Variants in EXOC2 observed in about 807,000 individuals in gnomAD.
The protein encoded by EXOC2 is SEC5-like 1.
Under a neutral mutation model 131.8 loss-of-function variants are expected in EXOC2, and 70 were observed. The ratio of observed to expected loss-of-function variants is 0.53; its 90% confidence interval spans 0.44 to 0.65. EXOC2 has a LOEUF of 0.65. EXOC2 is among the 30% of genes least tolerant of loss of function. EXOC2 has a pLI of 0.00. For synonymous variants in EXOC2, 411 were observed against 398.4 expected (o/e 1.03, Z -0.38); for missense variants, 923 against 1,108.6 (o/e 0.83, Z 2.38).
At position 642,461 on chromosome 6, in the gene EXOC2, G is replaced by C. The variant is rs192915131; in HGVS notation, c.-43-4600C>G. Among the ~76,000 whole-genome samples the C allele has an allele frequency of 2.0e-5, 3 of 152,278 alleles. No individual in the cohort carries two copies. In the East Asian group the frequency reaches 5.8e-4, roughly 29 times the overall value. ...CACACACACCTGGTATCAGGAGTGT[G>C]TACTGAGTTAGTGGCTGTGTGAACA... On this transcript the variant is annotated intron_variant, in intron 1 of 27. Coordinates refer to ENST00000230449, the MANE Select transcript of EXOC2 (RefSeq NM_018303.6).
At chr6:604,761 G>A (rs915684438) in intron 7 of EXOC2, among the ~76,000 whole-genome samples, 4 of 148,756 alleles carry the variant, frequency 2.7e-5, no homozygotes, top group Admixed American at 1.3e-4. Flanking sequence ...ACCCACCGCT[G>A]GCCTCTGCTT....
At position 573,445 on chromosome 6, in the gene EXOC2, C is replaced by G. The variant is rs900635296; in HGVS notation, c.1319-801G>C. 1.9e-4 allele frequency among the ~76,000 whole-genome samples: 29 copies of G among 152,246 alleles called. 1 individual carries two copies. Among genetic ancestry groups the G allele is most frequent in the Admixed American group, 1.5e-3 (23 of 15,298 alleles). On this transcript the variant is annotated intron_variant, in intron 12 of 27. Coordinates refer to ENST00000230449, the MANE Select transcript of EXOC2 (RefSeq NM_018303.6). ...CTCCACTCGGTGGCCATGGCAGGGGCACTGCAGAGTCCACCCCGTCCAGTC... is the reference window on the plus strand; with the variant it reads ...CTCCACTCGGTGGCCATGGCAGGGGGACTGCAGAGTCCACCCCGTCCAGTC...
intron 23 of EXOC2, among the ~76,000 whole-genome samples, 196 bp downstream of exon 23, chr6:532,273 A>G (rs1044116005): frequency 6.6e-6 from 1 of 152,264 alleles, no homozygotes; most frequent in Admixed American, 6.5e-5. Flanking sequence ...AACAGCTTTA[A>G]GCCACTAATA....
chr6:607,753 T>C, intron 7 of EXOC2, among the ~76,000 whole-genome samples: 1 of 152,348 alleles, frequency 6.6e-6, no homozygotes, highest in East Asian at 1.9e-4. Flanking sequence ...GCAAATTTGA[T>C]GTAAATAAAC....
At chr6:658,765 G>A (rs1161429487) in intron 1 of EXOC2, among the ~76,000 whole-genome samples, 3 of 150,150 alleles carry the variant, frequency 2.0e-5, no homozygotes, top group African/African-American at 7.3e-5. Flanking sequence ...AGGTTCAAGC[G>A]ATTCTCTTGC....
chr6:624,351 T>C (rs574633314), intron 4 of EXOC2, among the ~76,000 whole-genome samples: 1 of 152,344 alleles, frequency 6.6e-6, no homozygotes, highest in South Asian at 2.1e-4. Flanking sequence ...AGTTATTCCA[T>C]TATGAATGGA....
In EXOC2 at chr6:637,782, T is replaced by C; in HGVS notation, c.37A>G (p.Ile13Val). ...RSRQPPLVTGISPNEGIPWTK... is the reference protein window; with the variant it reads ...RSRQPPLVTGVSPNEGIPWTK... ...CATGGTATCCCTTCATTTGGAGAGA[T>C]GCCGGTCACAAGGGGGGGTTGTCGT... The change falls in exon 2 of 28, where the codon ATC (isoleucine) becomes GTC (valine). Residue 13 changes from isoleucine (I) to valine (V), a missense_variant. Coordinates refer to ENST00000230449, the MANE Select transcript of EXOC2 (RefSeq NM_018303.6). 9 of 1,613,904 alleles carry C rather than the reference T, an allele frequency of 5.6e-6. No individual in the cohort carries two copies. Among genetic ancestry groups the C allele is most frequent in the Non-Finnish European group, 7.6e-6 (9 of 1,179,946 alleles).
chr6:514,374 C>T (rs188714553), intron 23 of EXOC2, among the ~76,000 whole-genome samples: 54 of 152,288 alleles, frequency 3.5e-4, no homozygotes, highest in Middle Eastern at 3.4e-3. Context: ...CAATATTTAC[C>T]AAGTACCTTT....
intron 2 of EXOC2, among the ~76,000 whole-genome samples, chr6:634,911 T>TA (rs1167251721): frequency 5.3e-5 from 8 of 152,210 alleles, no homozygotes; most frequent in African/African-American, 1.9e-4. Context: ...GAAATACTGC[T>TA]AACATGTCAA....
intron 23 of EXOC2, among the ~76,000 whole-genome samples, chr6:522,088 G>A (rs1765499900): frequency 6.6e-6 from 1 of 152,166 alleles, no homozygotes; most frequent in South Asian, 2.1e-4. Flanking sequence ...ATCTATTACT[G>A]GATGCTTACT....
At chr6:516,512 G>A (rs1278496889) in intron 23 of EXOC2, among the ~76,000 whole-genome samples, 1 of 152,226 alleles carries the variant, frequency 6.6e-6, no homozygotes, top group Non-Finnish European at 1.5e-5. Context: ...GCTCTGCAGG[G>A]CAGGCCTGAA....
chr6:559,686 C>G (rs949610495), intron 17 of EXOC2, among the ~76,000 whole-genome samples: 3 of 152,190 alleles, frequency 2.0e-5, no homozygotes, highest in Middle Eastern at 3.2e-3. Flanking sequence ...TCTGAAGTAA[C>G]TATTTCAGAG....
At chr6:563,471 A>G (rs555712636) in intron 16 of EXOC2, among the ~76,000 whole-genome samples, 11 of 152,396 alleles carry the variant, frequency 7.2e-5, no homozygotes, top group Admixed American at 2.6e-4. Context: ...AGTAGATAGT[A>G]AAGGCCTGTG....
intron 23 of EXOC2, chr6:525,709 A>G (rs554293257): frequency 2.6e-5 from 4 of 152,336 alleles, no homozygotes; most frequent in Admixed American, 6.5e-5. Context: ...AAAGTAGAAA[A>G]TTAAAGTTTT....
chr6:495,148 C>T (rs1258818073), intron 25 of EXOC2, among the ~76,000 whole-genome samples: 10 of 126,422 alleles, frequency 7.9e-5, no homozygotes, highest in Admixed American at 6.4e-4. Context: ...TTTTTTGAGA[C>T]GGAGTCTCGC....
chr6:571,133 T>G (rs1426380857), intron 13 of EXOC2, among the ~76,000 whole-genome samples: 1 of 152,228 alleles, frequency 6.6e-6, no homozygotes, highest in Admixed American at 6.5e-5. Flanking sequence ...AAACCTGACG[T>G]TCGTTTCATG....
At chr6:687,997 G>A (rs1022825379) in intron 1 of EXOC2, among the ~76,000 whole-genome samples, 1 of 148,064 alleles carries the variant, frequency 6.8e-6, no homozygotes, top group East Asian at 1.9e-4. Context: ...TCCTCACAAA[G>A]GCGGGGTAGA....
chr6:518,430 T>C (rs1446535434), intron 23 of EXOC2, among the ~76,000 whole-genome samples: 1 of 152,246 alleles, frequency 6.6e-6, no homozygotes, highest in Non-Finnish European at 1.5e-5. Flanking sequence ...TACAATAGTA[T>C]GTTAGTTTAC....
chr6:556,682 G>A, intron 17 of EXOC2, 118 bp from the exon 18 acceptor site: 1 of 1,054,380 alleles, frequency 9.5e-7, no homozygotes, highest in Non-Finnish European at 1.4e-6. Flanking sequence ...GAATGGAACA[G>A]ACACACGATC....
Sources: allele counts gnomAD v4.1 joint callset (sites outside exome capture counted in the v4.1 genomes callset), GRCh38; gene constraint gnomAD v4.1.1; transcripts MANE v1.5; gene names NCBI Gene and HGNC (gene_info 2026-07-23, HGNC 2026-07-21).